The following TMIGD3 variants were observed in gnomAD, a reference collection of about 807,000 sequenced individuals.
The protein encoded by TMIGD3 is AD026 protein (AD026).
Under a neutral mutation model 28.1 loss-of-function variants are expected in TMIGD3, and 21 were observed. That is an observed-to-expected ratio of 0.75 (90% CI 0.53 to 1.08). TMIGD3 has a LOEUF of 1.08. TMIGD3 is among the 50% of genes least tolerant of loss of function. The pLI is 0.00. For missense variants in TMIGD3, 416 were observed against 435.6 expected (o/e 0.96, Z 0.40); for synonymous variants, 151 against 162.1 (o/e 0.93, Z 0.52).
chr1:111,513,049 C>T (rs1441286448), intron 1 of TMIGD3, among the ~76,000 whole-genome samples: 1 of 152,174 alleles, frequency 6.6e-6, no homozygotes, highest in Non-Finnish European at 1.5e-5. Flanking sequence ...GAAAGGCTGC[C>T]CCAGGTCTGA....
intron 1 of TMIGD3, among the ~76,000 whole-genome samples, chr1:111,513,143 G>A (rs1655747662): frequency 3.9e-5 from 6 of 152,216 alleles, no homozygotes; most frequent in Admixed American, 3.9e-4. Flanking sequence ...TGCAGGTGAA[G>A]CCCTCTAAGG....
chr1:111,563,661 G>A (rs776877454), intron 1 of TMIGD3, among the ~76,000 whole-genome samples: 3 of 152,128 alleles, frequency 2.0e-5, no homozygotes, highest in Non-Finnish European at 2.9e-5. Flanking sequence ...GCATTTTCAC[G>A]TATATTATGT....
chr1:111,518,585 T>C lies in TMIGD3; in HGVS notation c.108-27823A>G, dbSNP rs182500580. Among the ~76,000 whole-genome samples, 3 of 152,260 alleles carry C rather than the reference T, an allele frequency of 2.0e-5. No homozygotes were observed. The East Asian group carries it at 5.8e-4, about 29-fold the overall frequency. On this transcript the variant is annotated intron_variant, in intron 1 of 5. Coordinates refer to the TMIGD3 transcript ENST00000369717. ...GTGATCTAAACGAGAAGCCTAAAGT[T>C]CAGAGAGGCTAAGCGATTTTCCCAA... is the stretch of plus-strand genomic sequence containing the variant.
intron 1 of TMIGD3, chr1:111,500,147 A>G (rs757062295): frequency 1.2e-6 from 2 of 1,614,098 alleles, no homozygotes; most frequent in African/African-American, 2.7e-5. Flanking sequence ...CCATTAAAGT[A>G]GATGATGCAG....
chr1:111,552,197 G>C (rs1657287816), intron 1 of TMIGD3, among the ~76,000 whole-genome samples: 1 of 152,166 alleles, frequency 6.6e-6, no homozygotes, highest in South Asian at 2.1e-4. Flanking sequence ...CCATCTCTTA[G>C]GGAGTCACCA....
At chr1:111,522,859 T>G (rs147112867) in intron 1 of TMIGD3, among the ~76,000 whole-genome samples, 2 of 152,332 alleles carry the variant, frequency 1.3e-5, no homozygotes, top group Admixed American at 1.3e-4. Context: ...ATTACTAGAA[T>G]AGAGAAATAC....
chr1:111,517,620 C>T lies in TMIGD3; in HGVS notation c.108-26858G>A, dbSNP rs569338162. Among the ~76,000 whole-genome samples the T allele has an allele frequency of 2.6e-5, 4 of 152,266 alleles. No homozygotes were observed. In the East Asian group the frequency reaches 5.8e-4, roughly 22 times the overall value. On this transcript the variant is annotated intron_variant, in intron 1 of 5. Coordinates refer to the TMIGD3 transcript ENST00000369717. ...TGGCTGTGTGAGTTTTGGCAAATTG[C>T]TTTAATTGTTCTGAGCTTATTTTCA...
At position 111,503,461 on chromosome 1, in the gene TMIGD3, C is replaced by T. The variant is rs1227967475; in HGVS notation, c.-107G>A. On this transcript the variant is annotated 5_prime_UTR_variant, in exon 1 of 6. Coordinates refer to ENST00000369716, the MANE Select transcript of TMIGD3 (RefSeq NM_020683.7). Reference sequence around the variant, plus strand: ...AGACGTCTTCCCAGAGGTCCATGTGCAGTGACAGTCTAAAATTCCCAACTT... The same window carrying T: ...AGACGTCTTCCCAGAGGTCCATGTGTAGTGACAGTCTAAAATTCCCAACTT... The T allele has an allele frequency of 6.8e-7, 1 of 1,467,084 alleles. No individual in the cohort carries two copies. Among genetic ancestry groups the T allele is most frequent in the African/African-American group, 1.4e-5 (1 of 70,606 alleles). The allele number at this position is 1,467,084 out of a possible 1,614,324, so 90.9% of individuals were successfully genotyped here. A position where few individuals can be genotyped will look rare whatever the true frequency, so the allele number is the denominator to read the frequency against.
At chr1:111,549,564 C>G (rs539742289) in intron 1 of TMIGD3, among the ~76,000 whole-genome samples, 1 of 150,904 alleles carries the variant, frequency 6.6e-6, no homozygotes, top group South Asian at 2.1e-4. Context: ...ACAGGAGAAT[C>G]GCTTGAACTG....
At chr1:111,541,875 T>C (rs970272664) in intron 1 of TMIGD3, among the ~76,000 whole-genome samples, 1 of 151,952 alleles carries the variant, frequency 6.6e-6, no homozygotes, top group African/African-American at 2.4e-5. Flanking sequence ...GTGAATGCAA[T>C]AAAACTGCAC....
At chr1:111,527,001 A>G (rs1444361646) in intron 1 of TMIGD3, among the ~76,000 whole-genome samples, 2 of 130,328 alleles carry the variant, frequency 1.5e-5, no homozygotes, top group Non-Finnish European at 3.2e-5. Context: ...AAGTTTCCTC[A>G]ATGTCTTTTT....
At chr1:111,524,871 C>A (rs1356651865) in intron 1 of TMIGD3, among the ~76,000 whole-genome samples, 1 of 152,066 alleles carries the variant, frequency 6.6e-6, no homozygotes, top group African/African-American at 2.4e-5. Flanking sequence ...CTGCCTGACT[C>A]GGCCTCCCAA....
intron 2 of TMIGD3, among the ~76,000 whole-genome samples, chr1:111,489,288 A>G (rs1654541558): frequency 6.6e-6 from 1 of 152,224 alleles, no homozygotes; most frequent in African/African-American, 2.4e-5. Flanking sequence ...ACATAGGGTC[A>G]TTGGGGTAGT....
At chr1:111,492,780 C>T (rs1459162190) in intron 1 of TMIGD3, among the ~76,000 whole-genome samples, 1 of 141,458 alleles carries the variant, frequency 7.1e-6, no homozygotes, top group Non-Finnish European at 1.5e-5. Flanking sequence ...CGCCACTGTA[C>T]TTTAGCCGGG....
intron 1 of TMIGD3, among the ~76,000 whole-genome samples, chr1:111,519,095 C>T (rs374185385): frequency 3.3e-5 from 5 of 152,238 alleles, no homozygotes; most frequent in East Asian, 1.9e-4. Flanking sequence ...CCTGCCACCA[C>T]GCCTGGCTAA....
At chr1:111,563,245 C>T (rs538082779) in intron 1 of TMIGD3, among the ~76,000 whole-genome samples, 6 of 152,202 alleles carry the variant, frequency 3.9e-5, no homozygotes, top group African/African-American at 1.2e-4. Context: ...CACTGTACTA[C>T]AGCCAGGGCA....
chr1:111,513,097 C>T (rs1289368892), intron 1 of TMIGD3, among the ~76,000 whole-genome samples: 1 of 152,194 alleles, frequency 6.6e-6, no homozygotes, highest in African/African-American at 2.4e-5. Context: ...TTCCAGGTCA[C>T]CAGCCCCCAA....
chr1:111,527,286 A>T (rs1656299552), intron 1 of TMIGD3, among the ~76,000 whole-genome samples: 1 of 152,170 alleles, frequency 6.6e-6, no homozygotes, highest in African/African-American at 2.4e-5. Flanking sequence ...TGCTGAGATT[A>T]CAGGCGTGAG....
intron 1 of TMIGD3, chr1:111,501,206 C>T (rs945246991): frequency 2.0e-5 from 3 of 152,358 alleles, no homozygotes; most frequent in African/African-American, 7.2e-5. Flanking sequence ...TGTGCCTGCT[C>T]CTGCTTCTCT....
Sources: gnomAD v4.1 joint callset for allele counts (sites outside exome capture counted in the v4.1 genomes callset) on GRCh38, gnomAD v4.1.1 for gene constraint, MANE v1.5 for transcripts, NCBI Gene and HGNC (gene_info 2026-07-23, HGNC 2026-07-21) for gene names.